RASGRF2: variants seen among roughly 807,000 people sequenced by gnomAD.
RASGRF2 encodes the protein Ras protein specific guanine nucleotide releasing factor 2, also known as ras-specific guanine nucleotide-releasing factor 2.
Under a neutral mutation model 151.0 loss-of-function variants are expected in RASGRF2, and 76 were observed. That is an observed-to-expected ratio of 0.50 (90% CI 0.42 to 0.61). The LOEUF (loss-of-function observed/expected upper bound fraction) is 0.61. RASGRF2 is among the 20% of genes least tolerant of loss of function. The pLI is 0.00. For synonymous variants in RASGRF2, 504 were observed against 566.5 expected (o/e 0.89, Z 1.57); for missense variants, 1,148 against 1,564.6 (o/e 0.73, Z 4.49).
intron 5 of RASGRF2, among the ~76,000 whole-genome samples, chr5:81,074,222 G>A (rs1268999291): frequency 6.6e-6 from 1 of 152,096 alleles, no homozygotes; most frequent in Non-Finnish European, 1.5e-5. Context: ...TGCCTTTATG[G>A]AACTTAAATT....
chr5:80,976,802 G>T (rs1035776221), intron 1 of RASGRF2, among the ~76,000 whole-genome samples: 8 of 152,160 alleles, frequency 5.3e-5, no homozygotes, highest in Admixed American at 2.6e-4. Flanking sequence ...ACATTTTAAG[G>T]TGGGTCCACA....
chr5:81,207,123 A>C (rs536209143), intron 20 of RASGRF2, 123 bp from the exon 21 acceptor site: 1 of 892,288 alleles, frequency 1.1e-6, no homozygotes, highest in Non-Finnish European at 1.7e-6. Flanking sequence ...CATTTTTTTC[A>C]TAGTTAGAAT....
chr5:81,064,350 G>A (rs1017284228), intron 2 of RASGRF2, among the ~76,000 whole-genome samples: 3 of 152,184 alleles, frequency 2.0e-5, no homozygotes, highest in Non-Finnish European at 4.4e-5. Context: ...AGCAAGAGAA[G>A]GCAAGTGAGA....
At position 81,053,280 on chromosome 5, in the gene RASGRF2, C is replaced by T. The variant is rs375393213; in HGVS notation, c.395+10297C>T. 3.2e-5 allele frequency among the ~76,000 whole-genome samples: 4 copies of T among 123,516 alleles called. No individual in the cohort carries two copies. In the East Asian group the frequency reaches 8.9e-4, roughly 27 times the overall value. The allele number at this position is 123,516 out of a possible 152,430, so 81.0% of individuals were successfully genotyped here. On this transcript the variant is annotated intron_variant, in intron 2 of 26. Coordinates refer to ENST00000265080, the MANE Select transcript of RASGRF2 (RefSeq NM_006909.3). ...CCTAATGTTTTCCCTCCCCCCTCCCCCCACCCCATGACAGGCCCCAGTGTG... is the reference window on the plus strand; with the variant it reads ...CCTAATGTTTTCCCTCCCCCCTCCCTCCACCCCATGACAGGCCCCAGTGTG...
chr5:81,098,471 T>A (rs891015386), intron 12 of RASGRF2, among the ~76,000 whole-genome samples: 1 of 152,078 alleles, frequency 6.6e-6, no homozygotes, highest in Non-Finnish European at 1.5e-5. Flanking sequence ...GTAAGAGGGC[T>A]GCAGACTGAG....
intron 17 of RASGRF2, among the ~76,000 whole-genome samples, chr5:81,148,898 A>T (rs35619286): frequency 0.23 from 34,413 of 152,038 alleles, 4,203 homozygotes; most frequent in Middle Eastern, 0.34. Context: ...AACCTCACTA[A>T]TTATTGGGGA....
Position 80,960,891 on chromosome 5 carries a change from C to T in RASGRF2, c.153C>T (p.Leu51=). Residue 51 remains leucine, a synonymous_variant, in exon 1 of 27, where the codon CTC becomes CTT. Coordinates refer to ENST00000265080, the MANE Select transcript of RASGRF2 (RefSeq NM_006909.3). The surrounding 1 kb of genome is among the most constrained non-coding windows in gnomAD (Gnocchi z 5.5). ...EKWFALYQNV[L]FYFEGEQSCR... ...GGTTCGCCCTCTACCAGAATGTGCT[C>T]TTCTACTTCGAGGGCGAGCAGAGCT... The T allele has an allele frequency of 6.2e-7, 1 of 1,610,520 alleles. No homozygotes were observed. Among genetic ancestry groups the T allele is most frequent in the South Asian group, 1.1e-5 (1 of 90,956 alleles).
At chr5:81,175,161 T>A (rs1754746162) in intron 17 of RASGRF2, among the ~76,000 whole-genome samples, 1 of 152,238 alleles carries the variant, frequency 6.6e-6, no homozygotes, top group South Asian at 2.1e-4. Context: ...CAAATTGGGA[T>A]AACAATGTTT....
intron 17 of RASGRF2, among the ~76,000 whole-genome samples, chr5:81,174,150 C>T (rs1195458279): frequency 6.6e-6 from 1 of 152,092 alleles, no homozygotes; most frequent in African/African-American, 2.4e-5. Flanking sequence ...CAAGGAGAGA[C>T]AAAGAAGAGT....
intron 1 of RASGRF2, among the ~76,000 whole-genome samples, chr5:80,988,697 G>T (rs80147088): frequency 6.6e-6 from 1 of 152,178 alleles, no homozygotes; most frequent in African/African-American, 2.4e-5. Flanking sequence ...TCATAGAGTT[G>T]AGTCAGGGAT....
intron 1 of RASGRF2, among the ~76,000 whole-genome samples, chr5:80,976,216 G>A (rs1414751164): frequency 1.3e-5 from 2 of 152,076 alleles, no homozygotes; most frequent in East Asian, 1.9e-4. Context: ...TGTGTTATAC[G>A]ACTGTAAGAG....
At chr5:81,121,615 C>A (rs572857548) in intron 15 of RASGRF2, among the ~76,000 whole-genome samples, 22 of 152,260 alleles carry the variant, frequency 1.4e-4, no homozygotes, top group African/African-American at 4.8e-4. Flanking sequence ...AATTTCCCTC[C>A]AACTCATTCC....
intron 7 of RASGRF2, among the ~76,000 whole-genome samples, chr5:81,085,002 G>A (rs140169095): frequency 1.3e-5 from 2 of 152,278 alleles, no homozygotes; most frequent in Admixed American, 1.3e-4. Context: ...TCCCATTTTA[G>A]TTCTCTATCT....
At chr5:81,099,956 G>T (rs1472992289) in intron 12 of RASGRF2, among the ~76,000 whole-genome samples, 1 of 139,368 alleles carries the variant, frequency 7.2e-6, no homozygotes, top group East Asian at 2.1e-4. Flanking sequence ...CGCCCAGGCT[G>T]GAGTGCAGTG....
At chr5:81,018,484 G>A (rs1376849924) in intron 1 of RASGRF2, among the ~76,000 whole-genome samples, 3 of 152,160 alleles carry the variant, frequency 2.0e-5, no homozygotes, top group Non-Finnish European at 4.4e-5. Context: ...GACGTACCGG[G>A]AAAACATTAG....
chr5:81,199,762 G>A (rs1295206579), intron 18 of RASGRF2, among the ~76,000 whole-genome samples: 3 of 151,810 alleles, frequency 2.0e-5, no homozygotes, highest in African/African-American at 7.3e-5. Flanking sequence ...GCCAGGCGTG[G>A]TGGCACACAC....
intron 17 of RASGRF2, among the ~76,000 whole-genome samples, chr5:81,127,899 G>A (rs1394046987): frequency 3.1e-5 from 4 of 128,998 alleles, no homozygotes; most frequent in East Asian, 2.3e-4. Flanking sequence ...ACTCCAGCCT[G>A]TGTGACAGAG....
intron 7 of RASGRF2, among the ~76,000 whole-genome samples, chr5:81,084,412 T>C (rs925549969): frequency 1.3e-5 from 2 of 152,312 alleles, no homozygotes; most frequent in East Asian, 1.9e-4. Context: ...CTAAGGGCTG[T>C]ATTAGTGAGA....
At chr5:81,050,136 G>A (rs1169433275) in intron 2 of RASGRF2, among the ~76,000 whole-genome samples, 1 of 152,140 alleles carries the variant, frequency 6.6e-6, no homozygotes. Flanking sequence ...TCACTGGTCT[G>A]CGTTTCTCCA....
Sources: allele counts gnomAD v4.1 joint callset (sites outside exome capture counted in the v4.1 genomes callset), GRCh38; gene constraint gnomAD v4.1.1; non-coding constraint Gnocchi (gnomAD v3.1); transcripts MANE v1.5; gene names NCBI Gene and HGNC (gene_info 2026-07-23, HGNC 2026-07-21).